Variants in PHF24 observed in about 807,000 individuals in gnomAD.
PHF24 encodes PHD finger protein 24, also known as Galpha inhibitory interacting protein.
A neutral mutation model predicts 42.6 loss-of-function variants in PHF24; 25 were observed. That is an observed-to-expected ratio of 0.59 (90% CI 0.43 to 0.82). The LOEUF (loss-of-function observed/expected upper bound fraction) is 0.82, where lower values mean the gene tolerates loss of function less well. PHF24 is among the 40% of genes least tolerant of loss of function. The pLI is 0.00. For missense variants in PHF24, 470 were observed against 538.1 expected, an observed-to-expected ratio of 0.87 and a Z score of 1.25; for synonymous variants, 185 against 204.8, an observed-to-expected ratio of 0.90 and a Z score of 0.83.
intron 1 of PHF24, among the ~76,000 whole-genome samples, chr9:34,961,000 T>C (rs758143881): frequency 1.3e-4 from 20 of 152,206 alleles, no homozygotes; most frequent in Non-Finnish European, 2.8e-4. Context: ...CCTTTGATCT[T>C]TCACATATTC....
the PHF24 span, among the ~76,000 whole-genome samples, chr9:34,860,167 G>T: frequency 6.6e-6 from 1 of 152,148 alleles, no homozygotes; most frequent in Non-Finnish European, 1.5e-5. Context: ...TGACATTATT[G>T]TAGAGCACAC....
the PHF24 span, among the ~76,000 whole-genome samples, chr9:34,836,865 C>A: frequency 1.3e-5 from 2 of 152,174 alleles, no homozygotes; most frequent in African/African-American, 4.8e-5. Flanking sequence ...ACTACTGTGA[C>A]CCTGCCCCAA....
the PHF24 span, among the ~76,000 whole-genome samples, chr9:34,936,024 T>C: frequency 6.8e-6 from 1 of 148,022 alleles, no homozygotes; most frequent in Non-Finnish European, 1.5e-5. Flanking sequence ...TCCCTCTCCC[T>C]CTCCCGCTCC....
At chr9:34,802,015 T>G in the PHF24 span, among the ~76,000 whole-genome samples, 2 of 152,140 alleles carry the variant, frequency 1.3e-5, no homozygotes, top group African/African-American at 4.8e-5. Context: ...TCACGGCACA[T>G]CTATACCTAT....
the PHF24 span, chr9:34,917,584 A>G: frequency 1.3e-6 from 1 of 775,298 alleles, no homozygotes; most frequent in Non-Finnish European, 2.4e-6. Context: ...TGGAGCAGGA[A>G]TATACCCTCA....
At chr9:34,844,736 CTAACA>C in the PHF24 span, among the ~76,000 whole-genome samples, 5 of 152,238 alleles carry the variant, frequency 3.3e-5, no homozygotes, top group South Asian at 1.0e-3. Flanking sequence ...TATTTGTGGC[CTAACA>C]TATTATCTAT....
chr9:34,971,630 T>G, exon 2 of PHF24: 1 of 1,613,704 alleles, frequency 6.2e-7, no homozygotes, highest in East Asian at 2.2e-5. Context: ...ACCCGGAAGC[T>G]GGATGATGAC....
At chr9:34,928,719 G>A in the PHF24 span, among the ~76,000 whole-genome samples, 2 of 152,122 alleles carry the variant, frequency 1.3e-5, no homozygotes, top group Non-Finnish European at 2.9e-5. Context: ...GGTACAGCTG[G>A]TCTATGTGTT....
the PHF24 span, among the ~76,000 whole-genome samples, chr9:34,819,196 C>A: frequency 6.6e-6 from 1 of 151,890 alleles, no homozygotes; most frequent in Non-Finnish European, 1.5e-5. Flanking sequence ...CTGGATCAAT[C>A]TGACTAGTTT....
At chr9:34,964,306 G>T (rs1826694699) in intron 1 of PHF24, among the ~76,000 whole-genome samples, 1 of 152,190 alleles carries the variant, frequency 6.6e-6, no homozygotes, top group South Asian at 2.1e-4. Flanking sequence ...CTACTCGGGA[G>T]GCTGAGGCAG....
At chr9:34,689,999 C>T in the PHF24 span, 1 of 1,614,074 alleles carries the variant, frequency 6.2e-7, no homozygotes, top group South Asian at 1.1e-5. This position sits in a 1 kb window ranked among gnomAD's most constrained non-coding sequence, Gnocchi z 4.1. Context: ...GTGCACAGAG[C>T]TGGCGGCCCC....
chr9:34,849,644 A>G, the PHF24 span, among the ~76,000 whole-genome samples: 1 of 152,180 alleles, frequency 6.6e-6, no homozygotes, highest in Non-Finnish European at 1.5e-5. Flanking sequence ...TCCTGTCATT[A>G]TGATATTAGC....
At chr9:34,906,766 G>C in the PHF24 span, among the ~76,000 whole-genome samples, 3 of 151,566 alleles carry the variant, frequency 2.0e-5, no homozygotes, top group Non-Finnish European at 4.4e-5. Flanking sequence ...ATCTAAACAA[G>C]TAACTTTGTT....
At chr9:34,691,223 G>A in the PHF24 span, 8 of 1,263,822 alleles carry the variant, frequency 6.3e-6, no homozygotes, top group Admixed American at 1.3e-4. Context: ...AGGCTGCAGG[G>A]CGACTGGGAT....
At chr9:34,976,798 C>T in intron 5 of PHF24, 58 bp downstream of exon 5, 2 of 1,473,028 alleles carry the variant, frequency 1.4e-6, no homozygotes. Flanking sequence ...GCCTGGGAGG[C>T]ACGCTGGGCA....
chr9:34,685,022 CT>C, the PHF24 span, among the ~76,000 whole-genome samples: 9 of 152,168 alleles, frequency 5.9e-5, no homozygotes, highest in Non-Finnish European at 1.0e-4. Flanking sequence ...CTGCCTGCCC[CT>C]GGCCCCTTGG....
chr9:34,832,886 T>C, the PHF24 span: 3 of 1,551,718 alleles, frequency 1.9e-6, no homozygotes, highest in Non-Finnish European at 2.6e-6. Flanking sequence ...TTGACTGTCT[T>C]GCAGGTCCTT....
the PHF24 span, among the ~76,000 whole-genome samples, chr9:34,672,713 T>A: frequency 6.6e-6 from 1 of 152,188 alleles, no homozygotes; most frequent in East Asian, 1.9e-4. Flanking sequence ...CATCCATTCA[T>A]CAAGGCAGAG....
At chr9:34,752,268 G>A in the PHF24 span, among the ~76,000 whole-genome samples, 1 of 151,954 alleles carries the variant, frequency 6.6e-6, no homozygotes, top group Admixed American at 6.6e-5. Flanking sequence ...TTGACTTTTT[G>A]AAAAGATAAA....
Sources: allele counts gnomAD v4.1 joint callset (sites outside exome capture counted in the v4.1 genomes callset), GRCh38; gene constraint gnomAD v4.1.1; non-coding constraint Gnocchi (gnomAD v3.1); transcripts MANE v1.5; gene names NCBI Gene and HGNC (gene_info 2026-07-23, HGNC 2026-07-21).